GPM6A: variants seen among roughly 807,000 people sequenced by gnomAD.
GPM6A encodes the protein neuronal membrane glycoprotein M6-a.
A neutral mutation model predicts 32.1 loss-of-function variants in GPM6A; 7 were observed. That is an observed-to-expected ratio of 0.22 (90% confidence interval 0.12 to 0.41). The LOEUF is 0.41. GPM6A is among the 10% of genes least tolerant of loss of function. The pLI is 1.00. For synonymous variants in GPM6A, 130 were observed against 123.4 expected, an observed-to-expected ratio of 1.05 and a Z score of -0.35; for missense variants, 235 against 347.2, an observed-to-expected ratio of 0.68 and a Z score of 2.57.
At chr4:175,756,672 G>A (rs549878555) in intron 1 of GPM6A, among the ~76,000 whole-genome samples, 1 of 152,182 alleles carries the variant, frequency 6.6e-6, no homozygotes, top group East Asian at 1.9e-4. Context: ...TAATCTAGAA[G>A]AAGATCTCAG....
chr4:175,928,224 A>G (rs1343599415), intron 1 of GPM6A, among the ~76,000 whole-genome samples: 1 of 152,242 alleles, frequency 6.6e-6, no homozygotes, highest in African/African-American at 2.4e-5. Flanking sequence ...AAATGTTTAC[A>G]GAATGCCTTC....
At chr4:175,742,733 C>T (rs62336030) in intron 1 of GPM6A, among the ~76,000 whole-genome samples, 2,966 of 152,148 alleles carry the variant, frequency 0.019, 53 homozygotes, top group Non-Finnish European at 0.031. Context: ...GAAGTGATTT[C>T]GAAGAGGAAT....
At chr4:175,679,125 C>T (rs1008419764) in intron 2 of GPM6A, among the ~76,000 whole-genome samples, 31 of 152,192 alleles carry the variant, frequency 2.0e-4, no homozygotes, top group African/African-American at 7.5e-4. Flanking sequence ...AATCTAGGGG[C>T]TACTATTATA....
chr4:176,002,208 G>A (rs1741507169), intron 1 of GPM6A: 11 of 1,259,974 alleles, frequency 8.7e-6, no homozygotes, highest in Non-Finnish European at 1.3e-5. Context: ...GAGCTGGGAA[G>A]GACGCAGTCT....
chr4:175,880,924 T>G (rs1429510785), intron 1 of GPM6A, among the ~76,000 whole-genome samples: 4 of 152,146 alleles, frequency 2.6e-5, no homozygotes, highest in Non-Finnish European at 5.9e-5. Flanking sequence ...AACACTATGT[T>G]GAATAGGAGT....
chr4:175,734,135 CAT>C (rs33914767), intron 1 of GPM6A, among the ~76,000 whole-genome samples: 61,716 of 126,748 alleles, frequency 0.49, 13,888 homozygotes, highest in Non-Finnish European at 0.6. Context: ...TAATTTTTGC[CAT>C]ATATATATAT....
chr4:175,954,853 T>C (rs1739933704), intron 1 of GPM6A, among the ~76,000 whole-genome samples: 1 of 152,200 alleles, frequency 6.6e-6, no homozygotes, highest in Admixed American at 6.5e-5. Context: ...CCAAACCTTG[T>C]AGTAATGGAA....
At chr4:175,762,576 C>T (rs569614942) in intron 1 of GPM6A, among the ~76,000 whole-genome samples, 101 of 151,940 alleles carry the variant, frequency 6.6e-4, no homozygotes, top group Admixed American at 1.2e-3. Context: ...TTTAAATGTC[C>T]GAATCTAAGT....
chr4:175,672,545 C>T (rs1178898378), intron 3 of GPM6A, among the ~76,000 whole-genome samples: 3 of 152,138 alleles, frequency 2.0e-5, no homozygotes, highest in Non-Finnish European at 2.9e-5. Context: ...ACAAATTAGT[C>T]ATATTTTATT....
intron 1 of GPM6A, among the ~76,000 whole-genome samples, chr4:175,990,294 C>T (rs1315647017): frequency 6.6e-6 from 1 of 152,142 alleles, no homozygotes; most frequent in African/African-American, 2.4e-5. Flanking sequence ...AAGTCACAAA[C>T]CATCCAGCTG....
In GPM6A at chr4:175,705,188, G is replaced by T. The variant is rs530871692; in HGVS notation, c.38-3421C>A. ...AAGCCCGAGATAAATTCCAAAATTG[G>T]GTCAACCCAAATTGACAACTCTGAG... On this transcript the variant is annotated intron_variant, in intron 1 of 6. Coordinates refer to ENST00000393658, the MANE Select transcript of GPM6A (RefSeq NM_201591.3). Among the ~76,000 whole-genome samples, 9 of 152,094 alleles carry T rather than the reference G, an allele frequency of 5.9e-5. No individual in the cohort carries two copies. In the South Asian group the frequency reaches 1.0e-3, roughly 17 times the overall value.
intron 1 of GPM6A, among the ~76,000 whole-genome samples, chr4:175,831,801 C>A (rs1197268765): frequency 6.9e-6 from 1 of 144,476 alleles, no homozygotes; most frequent in Non-Finnish European, 1.5e-5. Context: ...GCTCTGCAAG[C>A]TCCTCCTCCT....
chr4:175,743,943 T>G (rs1731990093), intron 1 of GPM6A, among the ~76,000 whole-genome samples: 1 of 145,902 alleles, frequency 6.9e-6, no homozygotes, highest in Non-Finnish European at 1.5e-5. Context: ...CAGTTGTACA[T>G]CAATATCTAA....
At chr4:175,757,297 G>A (rs1251766405) in intron 1 of GPM6A, among the ~76,000 whole-genome samples, 1 of 152,000 alleles carries the variant, frequency 6.6e-6, no homozygotes, top group Non-Finnish European at 1.5e-5. Flanking sequence ...GCAGGTGAAT[G>A]AATCACCTTG....
intron 1 of GPM6A, among the ~76,000 whole-genome samples, chr4:175,951,738 T>C (rs532361186): frequency 6.6e-6 from 1 of 152,268 alleles, no homozygotes; most frequent in East Asian, 1.9e-4. Flanking sequence ...ACATTTATAT[T>C]ACCTGGGTAG....
intron 1 of GPM6A, among the ~76,000 whole-genome samples, chr4:175,918,924 CTTA>C (rs1345359813): frequency 4.0e-5 from 6 of 151,578 alleles, no homozygotes; most frequent in African/African-American, 2.4e-5. Context: ...TGGTTTTTGT[CTTA>C]TTATCTTATA....
At chr4:175,820,885 C>A (rs112373536) in intron 1 of GPM6A, among the ~76,000 whole-genome samples, 1 of 152,082 alleles carries the variant, frequency 6.6e-6, no homozygotes, top group Non-Finnish European at 1.5e-5. Flanking sequence ...AATGTATATG[C>A]GGATCTGTTG....
intron 1 of GPM6A, among the ~76,000 whole-genome samples, chr4:175,789,661 A>G (rs1190922433): frequency 3.3e-5 from 5 of 152,234 alleles, no homozygotes; most frequent in Non-Finnish European, 7.3e-5. Context: ...TTATGTTAAC[A>G]GTTATCTACC....
chr4:175,671,281 G>T (rs1743046573), intron 3 of GPM6A, among the ~76,000 whole-genome samples: 1 of 150,660 alleles, frequency 6.6e-6, no homozygotes, highest in East Asian at 1.9e-4. Flanking sequence ...ATTAACTAAG[G>T]AAGATTTTTA....
Sources: gnomAD v4.1 joint callset for allele counts (sites outside exome capture counted in the v4.1 genomes callset) on GRCh38, gnomAD v4.1.1 for gene constraint, MANE v1.5 for transcripts, NCBI Gene and HGNC (gene_info 2026-07-23, HGNC 2026-07-21) for gene names.